DOCK3: variants seen among roughly 807,000 people sequenced by gnomAD.
DOCK3 encodes the protein dedicator of cytokinesis protein 3.
A neutral mutation model predicts 265.6 loss-of-function variants in DOCK3; 60 were observed. That is an observed-to-expected ratio of 0.23 (90% CI 0.18 to 0.28). The LOEUF (loss-of-function observed/expected upper bound fraction) is 0.28, where lower values mean the gene tolerates loss of function less well. Among genes scored for constraint, DOCK3 ranks in the 10% least tolerant of loss-of-function variants. The probability of loss-of-function intolerance (pLI) is 1.00; values close to 1 mark genes in which losing one functional copy is unlikely to be tolerated. For synonymous variants in DOCK3, 881 were observed against 938.0 expected, an observed-to-expected ratio of 0.94 and a Z score of 1.11; for missense variants, 1,981 against 2,594.3, an observed-to-expected ratio of 0.76 and a Z score of 5.14.
At chr3:50,864,742 A>C (rs1037383946) in intron 3 of DOCK3, among the ~76,000 whole-genome samples, 1 of 152,018 alleles carries the variant, frequency 6.6e-6, no homozygotes, top group Non-Finnish European at 1.5e-5. Context: ...GTTGAAAATG[A>C]ATTGGCTGTT....
intron 22 of DOCK3, among the ~76,000 whole-genome samples, chr3:51,247,483 A>G (rs552621543): frequency 6.6e-6 from 1 of 152,246 alleles, no homozygotes; most frequent in Non-Finnish European, 1.5e-5. Flanking sequence ...ACAAACAAAC[A>G]AAAAACAGTT....
intron 5 of DOCK3, among the ~76,000 whole-genome samples, chr3:50,989,241 G>A (rs1032173156): frequency 1.3e-5 from 2 of 152,082 alleles, no homozygotes; most frequent in South Asian, 2.1e-4. Context: ...CAGGAGACAC[G>A]CAGATGACCT....
At chr3:51,152,822 C>T (rs545938671) in intron 10 of DOCK3, among the ~76,000 whole-genome samples, 24 of 151,652 alleles carry the variant, frequency 1.6e-4, no homozygotes, top group African/African-American at 5.8e-4. Context: ...GTATCACCAG[C>T]GGAGGCTGCA....
intron 5 of DOCK3, among the ~76,000 whole-genome samples, chr3:51,018,214 A>T (rs1469692777): frequency 6.6e-6 from 1 of 151,724 alleles, no homozygotes; most frequent in Non-Finnish European, 1.5e-5. Flanking sequence ...TCTTTCACCA[A>T]AACTCTTGGT....
At chr3:51,004,107 A>G (rs1453707292) in intron 5 of DOCK3, among the ~76,000 whole-genome samples, 1 of 152,012 alleles carries the variant, frequency 6.6e-6, no homozygotes, top group Non-Finnish European at 1.5e-5. Flanking sequence ...TAGTGAATAG[A>G]ATGCAGTAAA....
At chr3:51,252,984 A>C (rs537203813) in intron 22 of DOCK3, among the ~76,000 whole-genome samples, 6 of 152,250 alleles carry the variant, frequency 3.9e-5, no homozygotes, top group Non-Finnish European at 1.5e-5. Flanking sequence ...ATTCAGTATG[A>C]TATTGGCTGT....
chr3:50,693,446 T>C (rs2035379967), intron 1 of DOCK3, among the ~76,000 whole-genome samples: 1 of 152,026 alleles, frequency 6.6e-6, no homozygotes, highest in Non-Finnish European at 1.5e-5. Flanking sequence ...TTTGGTTAAA[T>C]TTATACCTAA....
chr3:50,975,707 A>G (rs1407057897), intron 5 of DOCK3, among the ~76,000 whole-genome samples: 1 of 152,222 alleles, frequency 6.6e-6, no homozygotes, highest in Non-Finnish European at 1.5e-5. Flanking sequence ...GAATAGTTTC[A>G]GAAGGAATGG....
At chr3:50,821,570 G>A (rs1412438038) in intron 2 of DOCK3, among the ~76,000 whole-genome samples, 7 of 152,186 alleles carry the variant, frequency 4.6e-5, no homozygotes, top group Non-Finnish European at 8.8e-5. Flanking sequence ...AAAGTGCTGG[G>A]ATTACAGGCC....
Position 50,677,158 on chromosome 3 carries a change from A to G in DOCK3, c.37+1858A>G, listed in dbSNP as rs544793764. On this transcript the variant is annotated intron_variant, in intron 1 of 52. Coordinates refer to ENST00000266037, the MANE Select transcript of DOCK3 (RefSeq NM_004947.5). The stretch of plus-strand genomic sequence containing the variant: ...GGCAGAGCTTAATGCTTGCTAAATG[A>G]GAGAGACAGTTACACTGAAGACATT... Among the ~76,000 whole-genome samples the G allele has an allele frequency of 3.9e-5, 6 of 152,352 alleles. No homozygotes were observed. In the East Asian group the frequency reaches 1.2e-3, roughly 29 times the overall value.
intron 7 of DOCK3, among the ~76,000 whole-genome samples, chr3:51,088,507 T>C (rs981294510): frequency 1.2e-4 from 19 of 152,356 alleles, no homozygotes; most frequent in African/African-American, 4.6e-4. Context: ...TATGCATGTA[T>C]CAAAATATCA....
At chr3:50,859,255 C>T (rs895465785) in intron 3 of DOCK3, among the ~76,000 whole-genome samples, 3 of 125,048 alleles carry the variant, frequency 2.4e-5, no homozygotes, top group Non-Finnish European at 4.7e-5. Flanking sequence ...CTGACTCTGT[C>T]GCCAGGCTGG....
intron 3 of DOCK3, among the ~76,000 whole-genome samples, chr3:50,844,315 A>T (rs2045980397): frequency 6.6e-6 from 1 of 152,202 alleles, no homozygotes; most frequent in Non-Finnish European, 1.5e-5. Context: ...TCGTGAGCTT[A>T]GGCTACCGTC....
At chr3:50,972,996 G>T (rs118098222) in intron 5 of DOCK3, among the ~76,000 whole-genome samples, 4 of 127,174 alleles carry the variant, frequency 3.1e-5, no homozygotes, top group African/African-American at 1.2e-4. Flanking sequence ...GGTTTTGGGG[G>T]AAGTATGGTC....
chr3:50,782,536 C>T lies in DOCK3; in HGVS notation c.121+3778C>T, dbSNP rs535556138. Among the ~76,000 whole-genome samples, 27 of 151,548 alleles carry T rather than the reference C, an allele frequency of 1.8e-4. 1 individual carries two copies. The highest frequency in any genetic ancestry group is 4.8e-4 in the African/African-American group (20 of 41,286). On this transcript the variant is annotated intron_variant, in intron 2 of 52. Transcript: ENST00000266037. ...CGATCTCCTGACCTCGTGATCCGCC[C>T]GCCTCGGCCTCCCAAAGTGCTGGGA...
At chr3:51,071,422 T>C (rs543012239) in intron 6 of DOCK3, among the ~76,000 whole-genome samples, 1 of 152,348 alleles carries the variant, frequency 6.6e-6, no homozygotes, top group East Asian at 1.9e-4. Flanking sequence ...TATGTAGATA[T>C]ACATAGATGT....
At chr3:51,090,149 G>C in intron 8 of DOCK3, 81 bp from the exon 9 acceptor site, 1 of 1,380,060 alleles carries the variant, frequency 7.2e-7, no homozygotes, top group Non-Finnish European at 9.7e-7. Context: ...AAAAGAGTTT[G>C]TAATTTAGTT....
At chr3:51,358,182 G>A in intron 46 of DOCK3, 105 bp downstream of exon 46, 1 of 1,188,766 alleles carries the variant, frequency 8.4e-7, no homozygotes, top group Non-Finnish European at 1.2e-6. Flanking sequence ...AGCCTGGGCA[G>A]GGGCCGGGGT....
At chr3:51,200,179 G>T (rs551343932) in intron 12 of DOCK3, among the ~76,000 whole-genome samples, 8 of 152,090 alleles carry the variant, frequency 5.3e-5, no homozygotes, top group African/African-American at 1.7e-4. Context: ...AACAAAGCTG[G>T]TTGGAGAATG....
Sources: gnomAD v4.1 joint callset for allele counts (sites outside exome capture counted in the v4.1 genomes callset) on GRCh38, gnomAD v4.1.1 for gene constraint, MANE v1.5 for transcripts, NCBI Gene and HGNC (gene_info 2026-07-23, HGNC 2026-07-21) for gene names.